Variants in MAP3K1 observed in about 807,000 individuals in gnomAD.
The protein encoded by MAP3K1 is mitogen-activated protein kinase kinase kinase 1.
A neutral mutation model predicts 144.2 loss-of-function variants in MAP3K1; 36 were observed. The observed-to-expected ratio is 0.25, with a 90% confidence interval of 0.19 to 0.33. The LOEUF (loss-of-function observed/expected upper bound fraction) is 0.33. Among genes scored for constraint, MAP3K1 ranks in the 10% least tolerant of loss-of-function variants. The probability of loss-of-function intolerance (pLI) is 1.00; values close to 1 mark genes in which losing one functional copy is unlikely to be tolerated. For missense variants in MAP3K1, 1,650 were observed against 1,881.9 expected (o/e 0.88, Z 2.28); for synonymous variants, 718 against 688.7 (o/e 1.04, Z -0.67).
chr5:56,844,394 T>A (rs1349437285), intron 1 of MAP3K1, among the ~76,000 whole-genome samples: 1 of 151,964 alleles, frequency 6.6e-6, no homozygotes, highest in Non-Finnish European at 1.5e-5. Flanking sequence ...TTAGCCAGGA[T>A]GGTCTCGATC....
intron 15 of MAP3K1, 92 bp downstream of exon 15, chr5:56,883,771 G>A: frequency 1.5e-6 from 2 of 1,312,210 alleles, no homozygotes; most frequent in Non-Finnish European, 1.1e-6. Context: ...CCACGTGTGT[G>A]TACTTTAGTT....
intron 1 of MAP3K1, among the ~76,000 whole-genome samples, chr5:56,824,282 C>T (rs773427556): frequency 6.6e-6 from 1 of 152,228 alleles, no homozygotes; most frequent in Non-Finnish European, 1.5e-5. Context: ...GCCAAAGGAC[C>T]TGTAACAAAA....
chr5:56,875,079 T>G lies in MAP3K1; in HGVS notation c.1734T>G (p.Asn578Lys). The change falls in exon 10 of 20, where the codon AAT (asparagine) becomes AAG (lysine). Residue 578 changes from asparagine to lysine, a missense_variant. By Grantham distance (94) the Asn-to-Lys change is moderately conservative (BLOSUM62 0). Transcript: ENST00000399503. ...GCTGCTTATTTTCTAGAAACTGGAA[T>G]GTGAGAGAGATGGCCCTCAGGCGTC... is the stretch of plus-strand genomic sequence containing the variant. ...LVGCLFSRNW[N>K]VREMALRRLS... 1 of 1,614,220 alleles carries G rather than the reference T, an allele frequency of 6.2e-7. No individual in the cohort carries two copies. The highest frequency in any genetic ancestry group is 1.1e-5 in the South Asian group (1 of 91,082).
At chr5:56,888,123 A>C in intron 18 of MAP3K1, 103 bp from the exon 19 acceptor site, 1 of 1,029,518 alleles carries the variant, frequency 9.7e-7, no homozygotes. Context: ...TCCTGTTTGT[A>C]CCAGTTTTCT....
rs924631695 is a variant in MAP3K1 at position 56,893,823 on chromosome 5, T to G, written c.*143T>G. 20 of 839,376 alleles carry G rather than the reference T, an allele frequency of 2.4e-5. No individual in the cohort carries two copies. The highest frequency in any genetic ancestry group is 3.9e-5 in the Non-Finnish European group (20 of 515,812). The allele number at this position is 839,376 out of a possible 1,614,324, so 52.0% of individuals were successfully genotyped here. Reference sequence around the variant, plus strand: ...CCAGTGGGGAACCCTTACCTAAGTATGTGATTGACAAATCATGATCTGTAC... The same window carrying G: ...CCAGTGGGGAACCCTTACCTAAGTAGGTGATTGACAAATCATGATCTGTAC... On this transcript the variant is annotated 3_prime_UTR_variant, in exon 20 of 20. Transcript: ENST00000399503.
chr5:56,881,081 A>C lies in MAP3K1; in HGVS notation c.2180-2A>C. On this transcript the variant is annotated splice_acceptor_variant, in intron 12 of 19. Coordinates refer to ENST00000399503, the MANE Select transcript of MAP3K1 (RefSeq NM_005921.2). LOFTEE classifies it high-confidence loss of function. Reference sequence around the variant, plus strand: ...CATTTATTTTTACTTTCCTTTTTGTAGGATCCATTGGTATTGGTGGTGTTG... The same window carrying C: ...CATTTATTTTTACTTTCCTTTTTGTCGGATCCATTGGTATTGGTGGTGTTG... The C allele has an allele frequency of 6.2e-7, 1 of 1,601,862 alleles. No individual in the cohort carries two copies.
chr5:56,860,867 A>G (rs866189658), intron 3 of MAP3K1, among the ~76,000 whole-genome samples: 44 of 152,220 alleles, frequency 2.9e-4, no homozygotes, highest in Middle Eastern at 3.4e-3. Flanking sequence ...AAAAAAAGAA[A>G]AAAAGAAAAG....
intron 1 of MAP3K1, among the ~76,000 whole-genome samples, chr5:56,844,183 GTTTTT>G (rs770169813): frequency 7.9e-5 from 6 of 76,092 alleles, no homozygotes; most frequent in Non-Finnish European, 1.2e-4. Context: ...GTTTTTTTTG[GTTTTT>G]TTTTTTTTTT....
At chr5:56,879,998 A>G (rs958885725) in intron 11 of MAP3K1, among the ~76,000 whole-genome samples, 3 of 152,222 alleles carry the variant, frequency 2.0e-5, no homozygotes, top group African/African-American at 7.2e-5. Flanking sequence ...TTCTCATATC[A>G]TGAAGTCTGT....
intron 1 of MAP3K1, among the ~76,000 whole-genome samples, chr5:56,844,345 A>G (rs961820016): frequency 6.6e-6 from 1 of 151,280 alleles, no homozygotes; most frequent in Non-Finnish European, 1.5e-5. Context: ...ATGCCCGGCT[A>G]TTTTTTTGTA....
At position 56,864,835 on chromosome 5, in the gene MAP3K1, G is replaced by A. The variant is rs777854422; in HGVS notation, c.936G>A (p.Met312Ile). Residue 312 changes from methionine (M) to isoleucine (I), a missense_variant, in exon 4 of 20, where the codon ATG becomes ATA. Physicochemically the swap from Met to Ile is conservative, Grantham distance 10. Transcript: ENST00000399503. Reference protein sequence around the residue: ...EETNRRVNKVMRARLYLLQQI... With the variant: ...EETNRRVNKVIRARLYLLQQI... ...CAAACCGCCGTGTTAACAAAGTGAT[G>A]CGGGCCAGACTGTACTTACTGCAGC... 8.1e-6 allele frequency: 13 copies of A among 1,613,988 alleles called. No individual in the cohort carries two copies. The highest frequency in any genetic ancestry group is 1.1e-5 in the Non-Finnish European group (13 of 1,180,030).
intron 19 of MAP3K1, among the ~76,000 whole-genome samples, chr5:56,888,604 A>T (rs1401705136): frequency 6.6e-6 from 1 of 152,238 alleles, no homozygotes; most frequent in Non-Finnish European, 1.5e-5. Flanking sequence ...GTGCTATGAT[A>T]CACTGGTGAT....
intron 1 of MAP3K1, among the ~76,000 whole-genome samples, chr5:56,833,445 G>A (rs570770558): frequency 4.6e-5 from 7 of 152,210 alleles, no homozygotes; most frequent in South Asian, 2.1e-4. Flanking sequence ...TGGTGCCTAC[G>A]CAGCCTTGCA....
chr5:56,877,597 C>T (rs1366443939), intron 10 of MAP3K1, among the ~76,000 whole-genome samples: 2 of 150,632 alleles, frequency 1.3e-5, no homozygotes, highest in Non-Finnish European at 2.9e-5. Context: ...TCTCTTAAAA[C>T]CAAATACATA....
chr5:56,832,610 G>C (rs1746526714), intron 1 of MAP3K1, among the ~76,000 whole-genome samples: 1 of 152,208 alleles, frequency 6.6e-6, no homozygotes, highest in African/African-American at 2.4e-5. Flanking sequence ...AACCTTAGCA[G>C]TTTGACTTCA....
chr5:56,843,745 A>G (rs1250615340), intron 1 of MAP3K1, among the ~76,000 whole-genome samples: 1 of 152,178 alleles, frequency 6.6e-6, no homozygotes, highest in Non-Finnish European at 1.5e-5. Flanking sequence ...GGCTGTCTAA[A>G]TAATCTTTTC....
At chr5:56,884,156 TAAATA>T (rs946039128) in intron 15 of MAP3K1, among the ~76,000 whole-genome samples, 2 of 151,672 alleles carry the variant, frequency 1.3e-5, no homozygotes, top group African/African-American at 4.8e-5. Flanking sequence ...CAAAAAAAAA[TAAATA>T]AAAGTTGAAG....
chr5:56,836,288 C>G (rs1867731), intron 1 of MAP3K1, among the ~76,000 whole-genome samples: 83,145 of 151,320 alleles, frequency 0.55, 24,000 homozygotes, highest in Non-Finnish European at 0.65. Flanking sequence ...GAAATACTCT[C>G]TCTCCATATT....
intron 6 of MAP3K1, among the ~76,000 whole-genome samples, chr5:56,867,679 C>T (rs745892265): frequency 3.3e-5 from 5 of 151,992 alleles, no homozygotes; most frequent in Non-Finnish European, 7.4e-5. Flanking sequence ...TATGTAAAGC[C>T]GTATAGCCTT....
Sources: gnomAD v4.1 joint callset for allele counts (sites outside exome capture counted in the v4.1 genomes callset) on GRCh38, gnomAD v4.1.1 for gene constraint, MANE v1.5 for transcripts, NCBI Gene and HGNC (gene_info 2026-07-23, HGNC 2026-07-21) for gene names.